The following PDSS2 variants were observed in gnomAD, a reference collection of about 807,000 sequenced individuals.
The protein encoded by PDSS2 is all trans-polyprenyl-diphosphate synthase PDSS2.
In PDSS2, 31 loss-of-function variants were observed where a neutral mutation model predicts 44.5. That is an observed-to-expected ratio of 0.70 (90% CI 0.52 to 0.94). PDSS2 has a LOEUF of 0.94. Among genes scored for constraint, PDSS2 ranks in the 40% least tolerant of loss-of-function variants. The probability of loss-of-function intolerance (pLI) is 0.00; values close to 1 mark genes in which losing one functional copy is unlikely to be tolerated. For synonymous variants in PDSS2, 157 were observed against 180.3 expected (o/e 0.87, Z 1.03); for missense variants, 452 against 482.2 (o/e 0.94, Z 0.59).
chr6:107,432,350 T>C (rs1463199715), intron 1 of PDSS2, among the ~76,000 whole-genome samples: 1 of 152,222 alleles, frequency 6.6e-6, no homozygotes, highest in East Asian at 1.9e-4. Flanking sequence ...AAACATTCTA[T>C]TTTTCATTTT....
intron 7 of PDSS2, among the ~76,000 whole-genome samples, chr6:107,176,241 C>T (rs1771779685): frequency 6.6e-6 from 1 of 152,038 alleles, no homozygotes; most frequent in Non-Finnish European, 1.5e-5. Context: ...GGGGTTTCAC[C>T]ATGTTGGCCA....
intron 1 of PDSS2, among the ~76,000 whole-genome samples, chr6:107,372,428 T>C (rs1417172227): frequency 6.6e-6 from 1 of 152,110 alleles, no homozygotes; most frequent in African/African-American, 2.4e-5. Flanking sequence ...GGTTAAAGCA[T>C]GTTTCATCAG....
chr6:107,445,728 A>AT (rs367932999), intron 1 of PDSS2, among the ~76,000 whole-genome samples: 144 of 152,304 alleles, frequency 9.5e-4, no homozygotes, highest in African/African-American at 3.4e-3. Context: ...TACCTGCCAC[A>AT]TTCAGATACA....
chr6:107,398,097 C>A (rs1336444268), intron 1 of PDSS2, among the ~76,000 whole-genome samples: 1 of 152,160 alleles, frequency 6.6e-6, no homozygotes, highest in Non-Finnish European at 1.5e-5. Context: ...TACCACCTGT[C>A]AAATTTGGGG....
At chr6:107,283,902 G>A (rs1190679779) in intron 2 of PDSS2, among the ~76,000 whole-genome samples, 1 of 151,372 alleles carries the variant, frequency 6.6e-6, no homozygotes, top group Non-Finnish European at 1.5e-5. Flanking sequence ...AGGCATGGTG[G>A]CTCATGCCTC....
In PDSS2 at chr6:107,152,997, TA is replaced by T. The variant is rs1199748854; in HGVS notation, c.*1621del. Reference sequence around the variant, plus strand: ...GGTGGCATAAACTGTACAATTATGATATTTTGAGTACACTTAAAATATTTTA... The same window carrying T: ...GGTGGCATAAACTGTACAATTATGATTTTTGAGTACACTTAAAATATTTTA... On this transcript the variant is annotated 3_prime_UTR_variant, in exon 8 of 8. Coordinates refer to ENST00000369037, the MANE Select transcript of PDSS2 (RefSeq NM_020381.4). 6.6e-6 allele frequency: 1 copy of T among 152,468 alleles called. No individual in the cohort carries two copies. 9.4% of individuals were successfully genotyped at this position (152,468 alleles called of 1,614,324 possible). A position where few individuals can be genotyped will look rare whatever the true frequency, so the allele number is the denominator to read the frequency against.
At chr6:107,353,607 T>C (rs2115344949) in intron 1 of PDSS2, among the ~76,000 whole-genome samples, 1 of 152,038 alleles carries the variant, frequency 6.6e-6, no homozygotes, top group Admixed American at 6.6e-5. Flanking sequence ...GTTACATCAA[T>C]AAAAAGTTTT....
chr6:107,290,582 C>CTG (rs1776311087), intron 2 of PDSS2, among the ~76,000 whole-genome samples: 1 of 152,156 alleles, frequency 6.6e-6, no homozygotes, highest in Admixed American at 6.6e-5. Context: ...TCACTCTCTT[C>CTG]TGTGACACTA....
intron 4 of PDSS2, 46 bp downstream of exon 4, chr6:107,245,499 TACC>T (rs779594699): frequency 1.0e-6 from 1 of 958,456 alleles, no homozygotes; most frequent in South Asian, 1.5e-5. Flanking sequence ...ATTCTAGTTG[TACC>T]ACGACGGTTT....
At chr6:107,425,821 C>T (rs930974871) in intron 1 of PDSS2, among the ~76,000 whole-genome samples, 17 of 152,072 alleles carry the variant, frequency 1.1e-4, no homozygotes, top group Admixed American at 3.3e-4. Context: ...ATTAGCTGGG[C>T]GTGGTGGCAG....
chr6:107,456,556 C>T (rs1445165856), intron 1 of PDSS2, among the ~76,000 whole-genome samples: 1 of 152,152 alleles, frequency 6.6e-6, no homozygotes, highest in Admixed American at 6.5e-5. Context: ...TGTAATTTTA[C>T]TTATTTCATT....
chr6:107,185,123 TAAAAA>T (rs11317647), intron 7 of PDSS2, among the ~76,000 whole-genome samples: 1 of 88,790 alleles, frequency 1.1e-5, no homozygotes, highest in Non-Finnish European at 2.2e-5. Context: ...ACCTTATATC[TAAAAA>T]AAAAAAAAAA....
chr6:107,311,875 G>A (rs1015328887), intron 2 of PDSS2, among the ~76,000 whole-genome samples: 4 of 152,168 alleles, frequency 2.6e-5, no homozygotes, highest in African/African-American at 7.2e-5. Context: ...TCAGCACAAT[G>A]CCTTAACACA....
intron 7 of PDSS2, among the ~76,000 whole-genome samples, chr6:107,181,223 C>T (rs1771963322): frequency 6.6e-6 from 1 of 152,116 alleles, no homozygotes; most frequent in Non-Finnish European, 1.5e-5. Context: ...TTATAACTGC[C>T]TATATTAAAT....
At position 107,459,120 on chromosome 6, in the gene PDSS2, C is replaced by A; in HGVS notation, c.166G>T (p.Ala56Ser). 6.2e-7 allele frequency: 1 copy of A among 1,614,120 alleles called. No homozygotes were observed. Among genetic ancestry groups the A allele is most frequent in the Non-Finnish European group, 8.5e-7 (1 of 1,180,030 alleles). Residue 56 changes from alanine to serine, a missense_variant, in exon 1 of 8, where the codon GCG becomes TCG. By Grantham distance (99) the Ala-to-Ser change is moderately conservative. Transcript: ENST00000369037. The surrounding 1 kb of genome is among the most constrained non-coding windows in gnomAD (Gnocchi z 4.3). Reference sequence around the variant, plus strand: ...GTGGGGTACCCCACGATCTTCTCCGCCTCTGACACTACCTGATTCCAGTGG... The same window carrying A: ...GTGGGGTACCCCACGATCTTCTCCGACTCTGACACTACCTGATTCCAGTGG... Reference protein sequence around the residue: ...PAHWNQVVSEAEKIVGYPTSF... With the variant: ...PAHWNQVVSESEKIVGYPTSF...
chr6:107,328,498 A>G (rs1777617652), intron 2 of PDSS2, among the ~76,000 whole-genome samples: 1 of 151,984 alleles, frequency 6.6e-6, no homozygotes, highest in Non-Finnish European at 1.5e-5. Flanking sequence ...CTGGTCTCGA[A>G]CTCCTGACCT....
intron 1 of PDSS2, among the ~76,000 whole-genome samples, chr6:107,347,850 A>G (rs1778302076): frequency 6.6e-6 from 1 of 152,182 alleles, no homozygotes; most frequent in African/African-American, 2.4e-5. Flanking sequence ...TTAATATTAA[A>G]ACAATTAATT....
At chr6:107,284,264 A>G (rs1487979123) in intron 2 of PDSS2, among the ~76,000 whole-genome samples, 1 of 152,172 alleles carries the variant, frequency 6.6e-6, no homozygotes, top group African/African-American at 2.4e-5. Flanking sequence ...GTCATTTTTA[A>G]CAGCTTTTAA....
intron 7 of PDSS2, among the ~76,000 whole-genome samples, chr6:107,169,453 C>A (rs1428865100): frequency 6.6e-6 from 1 of 152,124 alleles, no homozygotes; most frequent in Non-Finnish European, 1.5e-5. Flanking sequence ...GAAGTCTGAT[C>A]ATCTGAAGCC....
Sources: allele counts gnomAD v4.1 joint callset (sites outside exome capture counted in the v4.1 genomes callset), GRCh38; gene constraint gnomAD v4.1.1; non-coding constraint Gnocchi (gnomAD v3.1); transcripts MANE v1.5; gene names NCBI Gene and HGNC (gene_info 2026-07-23, HGNC 2026-07-21).